The following ARMCX4 variants were observed in gnomAD, a reference collection of about 807,000 sequenced individuals.
ARMCX4 encodes armadillo repeat containing X-linked 4.
In ARMCX4, 3 loss-of-function variants were observed where a neutral mutation model predicts 34.7. That is an observed-to-expected ratio of 0.09 (90% CI 0.04 to 0.22). ARMCX4 has a LOEUF of 0.22. Among genes scored for constraint, ARMCX4 ranks in the 10% least tolerant of loss-of-function variants. ARMCX4 has a pLI of 1.00. For missense variants in ARMCX4, 1,448 were observed against 1,720.8 expected, an observed-to-expected ratio of 0.84 and a Z score of 2.81; for synonymous variants, 513 against 632.8, an observed-to-expected ratio of 0.81 and a Z score of 2.84.
At chrX:101,446,949 G>A (rs1006077866), downstream of ARMCX4, among the ~76,000 whole-genome samples, 9 of 54,396 alleles carry the variant, frequency 1.7e-4, no homozygotes, top group Non-Finnish European at 2.2e-4. Context: ...GTGAGACTCC[G>A]TCTCAAAAAA....
In ARMCX4 at chrX:101,491,541, A is replaced by G. The variant is rs1556009173; in HGVS notation, c.2952A>G (p.Thr984=). 1 of 1,156,082 alleles carries G rather than the reference A, an allele frequency of 8.6e-7. No individual in the cohort carries two copies. Among genetic ancestry groups the G allele is most frequent in the East Asian group, 3.3e-5 (1 of 30,760 alleles). The change falls in exon 6 of 6, where the codon ACA becomes ACG. Residue 984 remains threonine, a synonymous_variant. Coordinates refer to ENST00000423738, the MANE Select transcript of ARMCX4 (RefSeq NM_001256155.3). ...CTAAGGCAGAGGCTGGGGCAGATAC[A>G]GTGGGCTCTGCCCAGCCCCAAGCTG... ...AVPKAEAGAD[T]VGSAQPQAVA...
chrX:101,437,787 C>G, intron 2 of ARMCX4, among the ~76,000 whole-genome samples: 1 of 112,005 alleles, frequency 8.9e-6, no homozygotes, highest in Admixed American at 9.5e-5. Context: ...GAATTTCGTG[C>G]TATAAATTTC....
upstream of ARMCX4, among the ~76,000 whole-genome samples, chrX:101,481,318 G>C (rs1452687455): frequency 6.3e-5 from 7 of 111,835 alleles, no homozygotes; most frequent in Non-Finnish European, 1.3e-4. Flanking sequence ...TTTCAATGTA[G>C]TATTCAATAA....
At chrX:101,422,976 C>T (rs1303536155) in intron 2 of ARMCX4, among the ~76,000 whole-genome samples, 5 of 111,012 alleles carry the variant, frequency 4.5e-5, no homozygotes, top group African/African-American at 1.6e-4. Flanking sequence ...GTGGCGCAAT[C>T]TTGGCTCAGT....
chrX:101,428,193 A>G (rs1929751967), intron 2 of ARMCX4, among the ~76,000 whole-genome samples: 2 of 112,581 alleles, frequency 1.8e-5, no homozygotes, highest in South Asian at 7.2e-4. Flanking sequence ...AATACTATTT[A>G]GCAATAAAAA....
In ARMCX4 at chrX:101,493,172, G is replaced by T; in HGVS notation, c.4583G>T (p.Gly1528Val). ...GGAGGGTCTTGGGGTGGGGCTAGTG[G>T]CCAGGATGTTGGAGGGTCTAGGCCA... The part of the protein sequence containing the change: ...TNGGSWGGAS[G>V]QDVGGSRPGP... Residue 1528 changes from glycine (G) to valine (V), a missense_variant, in exon 6 of 6, where the codon GGC (glycine) becomes GTC (valine). Coordinates refer to ENST00000423738, the MANE Select transcript of ARMCX4 (RefSeq NM_001256155.3). 1 of 1,154,649 alleles carries T rather than the reference G, an allele frequency of 8.7e-7. No individual in the cohort carries two copies. Among genetic ancestry groups the T allele is most frequent in the Non-Finnish European group, 1.1e-6 (1 of 872,441 alleles).
chrX:101,505,711 C>A (rs2147695211), intron 8 of ARMCX4, among the ~76,000 whole-genome samples: 1 of 111,873 alleles, frequency 8.9e-6, no homozygotes, highest in East Asian at 2.8e-4. Flanking sequence ...CTTCTTTTTT[C>A]TTTAAAAAAT....
chrX:101,515,343 TTTTCTTTCTTTCTTTC>T (rs782364891), intron 11 of ARMCX4, among the ~76,000 whole-genome samples: 2 of 16,994 alleles, frequency 1.2e-4, no homozygotes, highest in Non-Finnish European at 2.1e-4. Flanking sequence ...TTTCCTTTCC[TTTTCTTTCTTTCTTTC>T]TTTCTTTCTT....
At position 101,493,358 on chromosome X, in the gene ARMCX4, G is replaced by C. The variant is rs1934055701; in HGVS notation, c.4769G>C (p.Gly1590Ala). The C allele has an allele frequency of 5.2e-6, 6 of 1,155,555 alleles. No homozygotes were observed. The change falls in exon 6 of 6, where the codon GGG becomes GCG. Residue 1590 changes from glycine to alanine, a missense_variant. Around this residue, in one of 2 missense-constraint regions of ARMCX4, gnomAD observed 1,343 missense variants for 1,540.7 expected, o/e 0.87. Transcript: ENST00000423738. ...AIGGGFWPGA[G>A]DQTGGGSRPG... ...GGAGGGGGGTTCTGGCCTGGTGCTG[G>C]GGACCAGACTGGTGGAGGCTCCAGG...
At chrX:101,436,789 G>T (rs1215843476) in intron 2 of ARMCX4, among the ~76,000 whole-genome samples, 16 of 111,482 alleles carry the variant, frequency 1.4e-4, no homozygotes, top group African/African-American at 5.2e-4. Context: ...GTTTGCCATA[G>T]ATAGCTCTTA....
intron 2 of ARMCX4, among the ~76,000 whole-genome samples, chrX:101,425,973 C>T (rs572307981): frequency 9.0e-6 from 1 of 110,543 alleles, no homozygotes; most frequent in East Asian, 2.8e-4. Context: ...GGTGCGCACA[C>T]CACCACGCTG....
chrX:101,434,711 T>G (rs1473437246), intron 2 of ARMCX4, among the ~76,000 whole-genome samples: 1 of 109,614 alleles, frequency 9.1e-6, no homozygotes, highest in Admixed American at 9.9e-5. Flanking sequence ...TATGTATACA[T>G]GTGCCATGTT....
At chrX:101,488,234 G>T in intron 5 of ARMCX4, 135 bp downstream of exon 5, 1 of 363,159 alleles carries the variant, frequency 2.8e-6, no homozygotes, top group South Asian at 3.5e-5. Context: ...TTGGTGTATA[G>T]AAATGTGTAT....
chrX:101,522,857 A>G (rs1378531026), intron 11 of ARMCX4, among the ~76,000 whole-genome samples: 1 of 112,571 alleles, frequency 8.9e-6, no homozygotes, highest in African/African-American at 3.2e-5. Flanking sequence ...ATATAGCTTT[A>G]TAAAGTCTTG....
At chrX:101,482,751 A>G (rs1189856678), upstream of ARMCX4, among the ~76,000 whole-genome samples, 2 of 111,242 alleles carry the variant, frequency 1.8e-5, no homozygotes, top group Non-Finnish European at 3.8e-5. Context: ...TTGTATGTAA[A>G]GTAAACAGCA....
At chrX:101,515,159 T>A (rs1018303205) in intron 11 of ARMCX4, among the ~76,000 whole-genome samples, 2 of 111,391 alleles carry the variant, frequency 1.8e-5, no homozygotes, top group Non-Finnish European at 3.8e-5. Flanking sequence ...AACCAACTAA[T>A]CTCATCTTAC....
chrX:101,489,016 G>A lies in ARMCX4; in HGVS notation c.427G>A (p.Ala143Thr). ...TEVKAKAREVAMKEAVTQTDA... is the reference protein window; with the variant it reads ...TEVKAKAREVTMKEAVTQTDA... Reference sequence around the variant, plus strand: ...GGTCAAGGCCAAAGCCAGGGAAGTGGCCATGAAAGAAGCAGTGACCCAAAC... The same window carrying A: ...GGTCAAGGCCAAAGCCAGGGAAGTGACCATGAAAGAAGCAGTGACCCAAAC... The change falls in exon 6 of 6, where the codon GCC becomes ACC. Residue 143 changes from alanine (A) to threonine (T), a missense_variant. Coordinates refer to ENST00000423738, the MANE Select transcript of ARMCX4 (RefSeq NM_001256155.3). 1.7e-6 allele frequency: 2 copies of A among 1,156,320 alleles called. No individual in the cohort carries two copies. The highest frequency in any genetic ancestry group is 2.3e-6 in the Non-Finnish European group (2 of 873,093).
intron 11 of ARMCX4, among the ~76,000 whole-genome samples, chrX:101,520,517 A>G (rs782443768): frequency 8.0e-5 from 9 of 112,403 alleles, no homozygotes; most frequent in Non-Finnish European, 1.3e-4. Flanking sequence ...GTCTATTGAA[A>G]TGATCATGTG....
intron 11 of ARMCX4, among the ~76,000 whole-genome samples, chrX:101,527,380 G>A (rs1342522701): frequency 9.0e-6 from 1 of 111,730 alleles, no homozygotes; most frequent in African/African-American, 3.3e-5. Flanking sequence ...GAGAAAGCAG[G>A]AAAGATCTAA....
Sources: allele counts gnomAD v4.1 joint callset (sites outside exome capture counted in the v4.1 genomes callset), GRCh38; gene constraint gnomAD v4.1.1; regional missense constraint gnomAD v4.1.1; transcripts MANE v1.5; gene names NCBI Gene and HGNC (gene_info 2026-07-23, HGNC 2026-07-21).